KMT2C: variants seen among roughly 807,000 people sequenced by gnomAD.
KMT2C encodes the protein histone-lysine N-methyltransferase 2C.
KMT2C carries 88 observed loss-of-function variants against 507.9 expected under a neutral mutation model. The observed-to-expected ratio is 0.17, with a 90% CI of 0.15 to 0.21. The LOEUF is 0.21. Among genes scored for constraint, KMT2C ranks in the 10% least tolerant of loss-of-function variants. KMT2C has a pLI of 1.00. For synonymous variants in KMT2C, 2,049 were observed against 2,080.8 expected (o/e 0.98, Z 0.42); for missense variants, 4,954 against 5,957.8 (o/e 0.83, Z 5.55).
rs71533554 is a variant in KMT2C at position 152,235,207 on chromosome 7, G to GTATATA, written c.2769+604_2769+609dup. On this transcript the variant is annotated intron_variant, in intron 16 of 58. Transcript: ENST00000262189. The stretch of plus-strand genomic sequence containing the variant: ...TGATTGTGGTATCGTTTTCAAGGGT[G>GTATATA]TATATATATATATATATCAAAGCTT... Among the ~76,000 whole-genome samples the GTATATA allele has an allele frequency of 1.1e-3, 158 of 142,500 alleles. 1 individual carries two copies. The highest frequency in any genetic ancestry group is 4.1e-3 in the African/African-American group (150 of 36,704). 93.5% of individuals were successfully genotyped at this position (142,500 alleles called of 152,430 possible). A position where few individuals can be genotyped will look rare whatever the true frequency, so the allele number is the denominator to read the frequency against.
chr7:152,203,769 C>T (rs982471706), intron 25 of KMT2C, among the ~76,000 whole-genome samples: 5 of 152,118 alleles, frequency 3.3e-5, no homozygotes, highest in Admixed American at 6.5e-5. Context: ...CACCAGACTA[C>T]GTAAGTGAAT....
At chr7:152,279,743 G>C (rs2096166012) in intron 6 of KMT2C, among the ~76,000 whole-genome samples, 2 of 152,122 alleles carry the variant, frequency 1.3e-5, no homozygotes, top group South Asian at 4.1e-4. Context: ...AGACTGCTAA[G>C]AGTGGGATTT....
intron 1 of KMT2C, among the ~76,000 whole-genome samples, chr7:152,433,672 GTTAGA>G (rs1345996656): frequency 3.3e-5 from 5 of 152,312 alleles, no homozygotes; most frequent in East Asian, 1.9e-4. Context: ...ATTTTTCATA[GTTAGA>G]TTATACTGTT....
intron 9 of KMT2C, among the ~76,000 whole-genome samples, chr7:152,262,179 T>A (rs2095792626): frequency 1.3e-5 from 2 of 152,090 alleles, no homozygotes; most frequent in African/African-American, 4.8e-5. Context: ...TCTGGCCACA[T>A]CACCCTCCTT....
intron 2 of KMT2C, among the ~76,000 whole-genome samples, chr7:152,345,728 T>C (rs1307946737): frequency 6.6e-6 from 1 of 151,972 alleles, no homozygotes; most frequent in African/African-American, 2.4e-5. Flanking sequence ...ACCACGTTGG[T>C]CAGGCTGGAC....
chr7:152,213,087 C>T (rs533929082), intron 23 of KMT2C, among the ~76,000 whole-genome samples: 6 of 152,278 alleles, frequency 3.9e-5, no homozygotes, highest in Admixed American at 6.5e-5. Flanking sequence ...ATAAATATAA[C>T]GATATCCCCA....
Position 152,315,151 on chromosome 7 carries a change from TTTG to T in KMT2C, c.574_576del (p.Gln192del). 1 of 1,614,030 alleles carries T rather than the reference TTTG, an allele frequency of 6.2e-7. No individual in the cohort carries two copies. Among genetic ancestry groups the T allele is most frequent in the Non-Finnish European group, 8.5e-7 (1 of 1,179,928 alleles). ...GAAACTGCTTACTTTCTCTGTCCTC[TTTG>T]TTTTCGTGGTGCTGAGTTTTGCATT... is the stretch of plus-strand genomic sequence containing the variant. On this transcript the variant is annotated inframe_deletion, in exon 4 of 59. Coordinates refer to ENST00000262189, the MANE Select transcript of KMT2C (RefSeq NM_170606.3).
chr7:152,397,503 T>C (rs1183478073), intron 1 of KMT2C, among the ~76,000 whole-genome samples: 2 of 152,178 alleles, frequency 1.3e-5, no homozygotes, highest in African/African-American at 4.8e-5. Flanking sequence ...CTGCTTGGGC[T>C]CCTGCTTGCC....
Position 152,220,686 on chromosome 7 carries a change from C to A in KMT2C, c.3549G>T (p.Gly1183=), listed in dbSNP as rs1336952910. 8 of 1,611,308 alleles carry A rather than the reference C, an allele frequency of 5.0e-6. No homozygotes were observed. Residue 1183 remains glycine, a synonymous_variant, in exon 23 of 59, where the codon GGG becomes GGT. Coordinates refer to ENST00000262189, the MANE Select transcript of KMT2C (RefSeq NM_170606.3). The part of the protein sequence containing the change: ...TQDGVCLTES[G]MTQLQSLTVT... ...CTGTGAGGCTCTGTAACTGAGTCAT[C>A]CCTGATTCAGTCAAACACACACCAT... is the stretch of plus-strand genomic sequence containing the variant.
intron 1 of KMT2C, among the ~76,000 whole-genome samples, chr7:152,382,483 C>G (rs905171949): frequency 6.6e-6 from 1 of 152,300 alleles, no homozygotes; most frequent in African/African-American, 2.4e-5. Flanking sequence ...ATGCCTGTGG[C>G]TTTCAGGTCA....
chr7:152,305,081 A>G (rs918310728), intron 6 of KMT2C, among the ~76,000 whole-genome samples: 3 of 152,186 alleles, frequency 2.0e-5, no homozygotes, highest in South Asian at 2.1e-4. Flanking sequence ...TTTGCTGCCT[A>G]TGAATGATTC....
intron 22 of KMT2C, among the ~76,000 whole-genome samples, chr7:152,221,563 G>A (rs1391156264): frequency 6.6e-6 from 1 of 152,064 alleles, no homozygotes; most frequent in African/African-American, 2.4e-5. Flanking sequence ...TTTGTATCAG[G>A]TGCTATTAAA....
chr7:152,408,753 C>T (rs2097649584), intron 1 of KMT2C, among the ~76,000 whole-genome samples: 2 of 145,706 alleles, frequency 1.4e-5, no homozygotes, highest in African/African-American at 2.6e-5. Flanking sequence ...CTCTCTTCCA[C>T]AAAACTAGTC....
chr7:152,210,565 C>G (rs1434176467), intron 23 of KMT2C, among the ~76,000 whole-genome samples: 1 of 151,164 alleles, frequency 6.6e-6, no homozygotes, highest in Non-Finnish European at 1.5e-5. Flanking sequence ...AAAAGCTCAT[C>G]AGCTATCATT....
At chr7:152,249,320 G>T (rs1182240289) in intron 13 of KMT2C, among the ~76,000 whole-genome samples, 5 of 94,664 alleles carry the variant, frequency 5.3e-5, no homozygotes, top group African/African-American at 7.6e-5. Flanking sequence ...AATTTATCTG[G>T]TTTTTTTTTT....
At chr7:152,408,319 T>G (rs1589802606) in intron 1 of KMT2C, among the ~76,000 whole-genome samples, 1 of 151,804 alleles carries the variant, frequency 6.6e-6, no homozygotes, top group African/African-American at 2.4e-5. Flanking sequence ...GTGGCCAAGG[T>G]GGATTTTGTA....
intron 5 of KMT2C, among the ~76,000 whole-genome samples, chr7:152,310,644 G>A (rs918009999): frequency 1.3e-5 from 2 of 152,132 alleles, no homozygotes; most frequent in Non-Finnish European, 2.9e-5. Context: ...GTGGGGCCCA[G>A]CAATCTGTGT....
chr7:152,429,943 C>G (rs185695984), intron 1 of KMT2C, among the ~76,000 whole-genome samples: 4 of 151,846 alleles, frequency 2.6e-5, no homozygotes, highest in Admixed American at 1.3e-4. Flanking sequence ...TTGGGAGTGC[C>G]GAGGCAGGCA....
At position 152,148,800 on chromosome 7, in the gene KMT2C, T is replaced by G. The variant is rs1388655093; in HGVS notation, c.13127A>C (p.Glu4376Ala). Residue 4376 changes from glutamate to alanine, a missense_variant, in exon 52 of 59, where the codon GAG becomes GCG. Physicochemically the swap from Glu to Ala is moderately radical, Grantham distance 107 (BLOSUM62 -1). Transcript: ENST00000262189. This position sits in a 1 kb window ranked among gnomAD's most constrained non-coding sequence, Gnocchi z 7.1. ...CTTTAGAAATTCATCTATTTCATCC[T>G]CACAAGGTGGTTTAAATGTCCCCTT... Reference protein sequence around the residue: ...IPKGTFKPPCEDEIDEFLKKL... With the variant: ...IPKGTFKPPCADEIDEFLKKL... 1.2e-6 allele frequency: 2 copies of G among 1,614,238 alleles called. No homozygotes were observed. The highest frequency in any genetic ancestry group is 1.7e-6 in the Non-Finnish European group (2 of 1,180,040).
Sources: allele counts gnomAD v4.1 joint callset (sites outside exome capture counted in the v4.1 genomes callset), GRCh38; gene constraint gnomAD v4.1.1; non-coding constraint Gnocchi (gnomAD v3.1); transcripts MANE v1.5; gene names NCBI Gene and HGNC (gene_info 2026-07-23, HGNC 2026-07-21).